ADGRL2: variants seen among roughly 807,000 people sequenced by gnomAD.
ADGRL2 encodes calcium-independent alpha-latrotoxin receptor 2.
In ADGRL2, 44 loss-of-function variants were observed where a neutral mutation model predicts 157.4. The observed-to-expected ratio is 0.28, with a 90% CI of 0.22 to 0.36. The LOEUF is 0.36. ADGRL2 is among the 10% of genes least tolerant of loss of function. ADGRL2 has a pLI of 1.00. For missense variants in ADGRL2, 1,510 were observed against 1,768.9 expected (o/e 0.85, Z 2.63); for synonymous variants, 585 against 624.7 (o/e 0.94, Z 0.95).
intron 1 of ADGRL2, among the ~76,000 whole-genome samples, chr1:81,399,474 T>G (rs2076713722): frequency 6.6e-6 from 1 of 152,052 alleles, no homozygotes; most frequent in Admixed American, 6.6e-5. Context: ...TCACTACTAT[T>G]CTTTCTTATT....
chr1:81,460,386 A>T (rs992773053), intron 2 of ADGRL2, among the ~76,000 whole-genome samples: 21 of 151,928 alleles, frequency 1.4e-4, no homozygotes, highest in African/African-American at 4.1e-4. Flanking sequence ...TTTTATTTTT[A>T]AAAAAAGAAA....
intron 1 of ADGRL2, among the ~76,000 whole-genome samples, chr1:81,366,804 G>T (rs10874224): frequency 6.6e-6 from 1 of 151,904 alleles, no homozygotes; most frequent in East Asian, 1.9e-4. Flanking sequence ...CCTCCCAGTT[G>T]CTGGATTCTA....
chr1:81,434,119 T>A (rs1010110406), intron 1 of ADGRL2, among the ~76,000 whole-genome samples: 1 of 152,292 alleles, frequency 6.6e-6, no homozygotes, highest in African/African-American at 2.4e-5. Flanking sequence ...AGTCAATAAG[T>A]CCAGCTCAGA....
rs566518783 is a variant in ADGRL2 at position 81,503,897 on chromosome 1, T to A, written c.-248+58808T>A. On this transcript the variant is annotated intron_variant, in intron 2 of 24. Transcript: ENST00000370721. ...AGGGCCACTAGTCTCTTCCCCTGTT[T>A]TTAAGTCCCATGTGGGGCTGCCAGG... 4.3e-4 allele frequency among the ~76,000 whole-genome samples: 66 copies of A among 152,328 alleles called. No individual in the cohort carries two copies. The South Asian group carries it at 0.012, about 29-fold the overall frequency.
At chr1:81,365,854 T>G (rs557250631) in intron 1 of ADGRL2, among the ~76,000 whole-genome samples, 1 of 152,322 alleles carries the variant, frequency 6.6e-6, no homozygotes. Flanking sequence ...ATTAACCAAT[T>G]TTCCCAAGGC....
At chr1:81,989,574 C>A in intron 23 of ADGRL2, 3 of 1,091,236 alleles carry the variant, frequency 2.7e-6, no homozygotes, top group Admixed American at 1.8e-5. Flanking sequence ...TTTGTTGAAC[C>A]CTTGCTCTGA....
intron 2 of ADGRL2, among the ~76,000 whole-genome samples, chr1:81,772,716 G>A (rs945745832): frequency 3.9e-5 from 6 of 152,024 alleles, no homozygotes; most frequent in Admixed American, 1.3e-4. Context: ...GAGACAGAGC[G>A]AGACTCCATC....
chr1:81,363,378 C>T (rs901290859), intron 1 of ADGRL2, among the ~76,000 whole-genome samples: 7 of 151,956 alleles, frequency 4.6e-5, no homozygotes, highest in Admixed American at 3.9e-4. Context: ...AATTTCTTCT[C>T]TAGAGGTGTC....
intron 2 of ADGRL2, among the ~76,000 whole-genome samples, chr1:81,854,985 A>G (rs2093152854): frequency 6.6e-6 from 1 of 152,138 alleles, no homozygotes; most frequent in Non-Finnish European, 1.5e-5. Context: ...GTGATTATAT[A>G]TTTTTATTCT....
intron 2 of ADGRL2, among the ~76,000 whole-genome samples, chr1:81,480,395 C>G (rs1473714074): frequency 6.6e-6 from 1 of 152,078 alleles, no homozygotes; most frequent in Non-Finnish European, 1.5e-5. Context: ...TCTAGCATTA[C>G]CAGATGAAAC....
At chr1:81,922,958 A>C (rs1173348489) in intron 3 of ADGRL2, among the ~76,000 whole-genome samples, 1 of 152,140 alleles carries the variant, frequency 6.6e-6, no homozygotes, top group Admixed American at 6.6e-5. Flanking sequence ...CTGTCTGTCT[A>C]TCTTTTTAAA....
chr1:81,919,506 G>A (rs1194287930), intron 3 of ADGRL2, among the ~76,000 whole-genome samples: 1 of 151,448 alleles, frequency 6.6e-6, no homozygotes, highest in Non-Finnish European at 1.5e-5. Context: ...CTTAGTAATG[G>A]TGTTTCTGTT....
chr1:81,433,489 A>G (rs2077358340), intron 1 of ADGRL2, among the ~76,000 whole-genome samples: 1 of 152,184 alleles, frequency 6.6e-6, no homozygotes, highest in Non-Finnish European at 1.5e-5. Flanking sequence ...TGAACTAGTC[A>G]GCAACTGCCA....
intron 3 of ADGRL2, among the ~76,000 whole-genome samples, chr1:81,682,423 A>G (rs1164644009): frequency 6.6e-6 from 1 of 152,192 alleles, no homozygotes; most frequent in Non-Finnish European, 1.5e-5. Flanking sequence ...TCAAAGGCAC[A>G]AACTCCATAC....
chr1:81,379,300 C>T (rs74907424), intron 1 of ADGRL2, among the ~76,000 whole-genome samples: 4,981 of 152,216 alleles, frequency 0.033, 113 homozygotes, highest in Middle Eastern at 0.099. Context: ...CCCATGGCAG[C>T]GTCTGAGGGT....
At chr1:81,413,001 T>C (rs2076973316) in intron 1 of ADGRL2, among the ~76,000 whole-genome samples, 1 of 152,224 alleles carries the variant, frequency 6.6e-6, no homozygotes, top group Non-Finnish European at 1.5e-5. Flanking sequence ...AAATTTGTTC[T>C]TGGATGTTTT....
chr1:81,339,009 T>C lies in ADGRL2; in HGVS notation c.-302+32500T>C, dbSNP rs143054961. Among the ~76,000 whole-genome samples the C allele has an allele frequency of 2.7e-3, 408 of 152,324 alleles. 6 individuals are homozygous for C. The highest frequency in any genetic ancestry group is 3.4e-4 in the Non-Finnish European group (23 of 68,030). ...TCTGCCTTGTGGCACTAACTTTTAC[T>C]CAGCATACAAAACTCAGTTCATGGT... On this transcript the variant is annotated intron_variant, in intron 1 of 24. Coordinates refer to the ADGRL2 transcript ENST00000370721.
At chr1:81,417,373 C>T (rs1021017155) in intron 1 of ADGRL2, among the ~76,000 whole-genome samples, 2 of 152,000 alleles carry the variant, frequency 1.3e-5, no homozygotes, top group African/African-American at 4.8e-5. Flanking sequence ...TTCAAAAGTT[C>T]CTGCAAGGTG....
intron 2 of ADGRL2, among the ~76,000 whole-genome samples, chr1:81,904,071 G>A (rs1211426122): frequency 6.6e-6 from 1 of 151,942 alleles, no homozygotes; most frequent in Non-Finnish European, 1.5e-5. Context: ...ACAAAGGAAA[G>A]CACATTGCAA....
Sources: allele counts gnomAD v4.1 joint callset (sites outside exome capture counted in the v4.1 genomes callset), GRCh38; gene constraint gnomAD v4.1.1; transcripts MANE v1.5; gene names NCBI Gene and HGNC (gene_info 2026-07-23, HGNC 2026-07-21).